CPPED1: variants seen among roughly 807,000 people sequenced by gnomAD.
CPPED1 encodes calcineurin like phosphoesterase domain containing 1, also known as serine/threonine-protein phosphatase CPPED1.
A neutral mutation model predicts 28.0 loss-of-function variants in CPPED1; 28 were observed. That is an observed-to-expected ratio of 1.00 (90% CI 0.74 to 1.37). The LOEUF (loss-of-function observed/expected upper bound fraction) is 1.37, where lower values mean the gene tolerates loss of function less well. CPPED1 is among the 40% of genes most tolerant of loss of function. The pLI is 0.00. For missense variants in CPPED1, 504 were observed against 416.5 expected, an observed-to-expected ratio of 1.21 and a Z score of -1.83; for synonymous variants, 198 against 180.2, an observed-to-expected ratio of 1.10 and a Z score of -0.79.
intron 3 of CPPED1, among the ~76,000 whole-genome samples, chr16:12,684,037 C>T (rs1259902806): frequency 6.6e-6 from 1 of 152,160 alleles, no homozygotes; most frequent in South Asian, 2.1e-4. Context: ...CAACGAAAAG[C>T]CTTTCTGGAA....
At chr16:12,772,113 ACT>A (rs1379865435) in intron 2 of CPPED1, among the ~76,000 whole-genome samples, 1 of 151,998 alleles carries the variant, frequency 6.6e-6, no homozygotes, top group African/African-American at 2.4e-5. Context: ...ACAGAACAAG[ACT>A]CTGTCTGAAA....
intron 2 of CPPED1, among the ~76,000 whole-genome samples, chr16:12,706,028 C>T (rs1243451410): frequency 6.6e-6 from 1 of 152,126 alleles, no homozygotes; most frequent in African/African-American, 2.4e-5. Context: ...CTTTTAGTTA[C>T]ATTGTTAGAC....
intron 1 of CPPED1, among the ~76,000 whole-genome samples, chr16:12,785,424 TTC>T (rs1491567092): frequency 6.9e-6 from 1 of 144,148 alleles, no homozygotes; most frequent in African/African-American, 2.7e-5. Flanking sequence ...CAAACGTGAA[TTC>T]TTTTTTTTTT....
At chr16:12,770,699 G>A (rs12921035) in intron 2 of CPPED1, among the ~76,000 whole-genome samples, 33,368 of 151,840 alleles carry the variant, frequency 0.22, 4,155 homozygotes, top group East Asian at 0.29. Flanking sequence ...ACACACACCT[G>A]TAGTCCCAGC....
At chr16:12,734,432 T>A (rs1230014675) in intron 2 of CPPED1, among the ~76,000 whole-genome samples, 1 of 151,732 alleles carries the variant, frequency 6.6e-6, no homozygotes, top group Non-Finnish European at 1.5e-5. Flanking sequence ...CAGGCTGGAG[T>A]GCAGTGGTGC....
chr16:12,686,876 A>G (rs62029759), intron 3 of CPPED1, among the ~76,000 whole-genome samples: 2 of 151,986 alleles, frequency 1.3e-5, no homozygotes, highest in East Asian at 3.9e-4. Flanking sequence ...AAAGTGGCAT[A>G]ATTTTTTTTT....
At chr16:12,726,809 AAAATAAAT>A (rs368789005) in intron 2 of CPPED1, among the ~76,000 whole-genome samples, 1 of 152,020 alleles carries the variant, frequency 6.6e-6, no homozygotes, top group Non-Finnish European at 1.5e-5. Context: ...ACCCTGTCTC[AAAATAAAT>A]AAATAAATAA....
At chr16:12,708,573 T>C (rs2080063624) in intron 2 of CPPED1, among the ~76,000 whole-genome samples, 1 of 152,138 alleles carries the variant, frequency 6.6e-6, no homozygotes, top group Non-Finnish European at 1.5e-5. Flanking sequence ...ATGAAAATCT[T>C]CCCCAGGGAC....
At chr16:12,764,264 T>G (rs1274055318) in intron 2 of CPPED1, among the ~76,000 whole-genome samples, 1 of 151,780 alleles carries the variant, frequency 6.6e-6, no homozygotes, top group Non-Finnish European at 1.5e-5. Context: ...AGTGCAGTGG[T>G]GCGATCTCAG....
At chr16:12,751,858 A>G (rs2080331622) in intron 2 of CPPED1, among the ~76,000 whole-genome samples, 1 of 152,186 alleles carries the variant, frequency 6.6e-6, no homozygotes, top group African/African-American at 2.4e-5. Flanking sequence ...ATGCTGAAAC[A>G]TTTAAAACTT....
intron 3 of CPPED1, among the ~76,000 whole-genome samples, chr16:12,701,877 C>G (rs1032687390): frequency 2.0e-5 from 3 of 152,136 alleles, no homozygotes; most frequent in African/African-American, 7.2e-5. Context: ...GGAGATGGAG[C>G]CATTGGATTC....
Position 12,742,920 on chromosome 16 carries a change from T to C in CPPED1, c.290-37871A>G, listed in dbSNP as rs189054020. ...CACAGGGAACCAGGCACCAGTTTCC[T>C]CTCCCAGTGCAGTCACACAGGATGT... is the stretch of plus-strand genomic sequence containing the variant. On this transcript the variant is annotated intron_variant, in intron 2 of 3. Transcript: ENST00000381774. Among the ~76,000 whole-genome samples the C allele has an allele frequency of 5.6e-3, 846 of 152,270 alleles. 5 individuals are homozygous for C. Among genetic ancestry groups the C allele is most frequent in the Middle Eastern group, 0.031 (9 of 294 alleles).
chr16:12,801,093 T>A (rs1335793392), intron 1 of CPPED1, among the ~76,000 whole-genome samples: 1 of 152,110 alleles, frequency 6.6e-6, no homozygotes, highest in Non-Finnish European at 1.5e-5. Context: ...TCCTTTCGGT[T>A]TTTTTGTTTG....
chr16:12,758,649 C>T (rs927186244), intron 2 of CPPED1, among the ~76,000 whole-genome samples: 18 of 152,178 alleles, frequency 1.2e-4, no homozygotes, highest in African/African-American at 3.9e-4. Flanking sequence ...AGACTCTTCA[C>T]CATTAGATCA....
intron 3 of CPPED1, among the ~76,000 whole-genome samples, chr16:12,680,067 G>T (rs751152690): frequency 1.2e-4 from 18 of 152,136 alleles, no homozygotes; most frequent in Non-Finnish European, 2.5e-4. Context: ...TCACAATGCA[G>T]TTCTGCCTCT....
intron 2 of CPPED1, among the ~76,000 whole-genome samples, chr16:12,743,694 G>A (rs1415636373): frequency 6.6e-6 from 1 of 152,168 alleles, no homozygotes. Context: ...GGAAATCCAC[G>A]TGCTCAGAAA....
chr16:12,770,570 C>A (rs1177899494), intron 2 of CPPED1, among the ~76,000 whole-genome samples: 1 of 152,104 alleles, frequency 6.6e-6, no homozygotes, highest in African/African-American at 2.4e-5. Context: ...CACCTGTAAT[C>A]CCAGCATTTT....
chr16:12,719,553 G>A (rs1442013233), intron 2 of CPPED1, among the ~76,000 whole-genome samples: 1 of 152,226 alleles, frequency 6.6e-6, no homozygotes, highest in African/African-American at 2.4e-5. Flanking sequence ...GAGCGAAGAC[G>A]GAAAGATTGA....
intron 1 of CPPED1, among the ~76,000 whole-genome samples, chr16:12,786,736 T>G (rs1244645928): frequency 6.6e-6 from 1 of 152,110 alleles, no homozygotes; most frequent in Non-Finnish European, 1.5e-5. Flanking sequence ...CTGGCCAACA[T>G]GGTGAAACCT....
Sources: allele counts gnomAD v4.1 joint callset (sites outside exome capture counted in the v4.1 genomes callset), GRCh38; gene constraint gnomAD v4.1.1; transcripts MANE v1.5; gene names NCBI Gene and HGNC (gene_info 2026-07-23, HGNC 2026-07-21).